TRPM6: variants seen among roughly 807,000 people sequenced by gnomAD.
TRPM6 encodes the protein channel kinase 2.
A neutral mutation model predicts 247.6 loss-of-function variants in TRPM6; 111 were observed. The ratio of observed to expected loss-of-function variants is 0.45; its 90% confidence interval spans 0.38 to 0.52. The LOEUF (loss-of-function observed/expected upper bound fraction) is 0.52. TRPM6 is among the 20% of genes least tolerant of loss of function. TRPM6 has a pLI of 0.00. For missense variants in TRPM6, 2,126 were observed against 2,421.5 expected (o/e 0.88, Z 2.56); for synonymous variants, 892 against 853.8 (o/e 1.04, Z -0.78).
chr9:74,806,465 T>C (rs1032858860), intron 14 of TRPM6, among the ~76,000 whole-genome samples: 2 of 152,122 alleles, frequency 1.3e-5, no homozygotes, highest in Non-Finnish European at 2.9e-5. Context: ...AAGTTTCTGT[T>C]TTGTTGATAA....
chr9:74,775,973 G>C lies in TRPM6; in HGVS notation c.3313C>G (p.Leu1105Val). ...AGGCCCACGTGGCTCAGCAGGATGAGAGGTGGGGGCAGCCAGGGCTTCTCG... is the reference window on the plus strand; with the variant it reads ...AGGCCCACGTGGCTCAGCAGGATGACAGGTGGGGGCAGCCAGGGCTTCTCG... ...YHEKPWLPPP[L>V]ILLSHVGLLL... is the part of the protein sequence containing the mutation. Residue 1105 changes from leucine to valine, a missense_variant, in exon 24 of 39, where the codon CTC (leucine) becomes GTC (valine). Physicochemically the swap from Leu to Val is conservative, Grantham distance 32. This residue lies in a region of TRPM6 where 717 missense variants were observed against 715.9 expected (regional missense o/e 1.00). Coordinates refer to ENST00000360774, the MANE Select transcript of TRPM6 (RefSeq NM_017662.5). 1 of 1,614,190 alleles carries C rather than the reference G, an allele frequency of 6.2e-7. No homozygotes were observed. The highest frequency in any genetic ancestry group is 1.1e-5 in the South Asian group (1 of 91,088).
intron 28 of TRPM6, among the ~76,000 whole-genome samples, chr9:74,754,115 A>G (rs1177214081): frequency 1.3e-5 from 2 of 151,706 alleles, no homozygotes; most frequent in Non-Finnish European, 2.9e-5. Flanking sequence ...AATAAAATCA[A>G]TCTATTTATA....
chr9:74,761,703 T>C lies in TRPM6; in HGVS notation c.4778A>G (p.Gln1593Arg). Residue 1593 changes from glutamine (Q) to arginine (R), a missense_variant, in exon 27 of 39, where the codon CAG becomes CGG. Physicochemically the swap from Gln to Arg is conservative, Grantham distance 43. Around this residue, in one of 3 missense-constraint regions of TRPM6, gnomAD observed 717 missense variants for 715.9 expected, o/e 1.00. Coordinates refer to ENST00000360774, the MANE Select transcript of TRPM6 (RefSeq NM_017662.5). Reference protein sequence around the residue: ...SKKKKNTQGLQVPIITVNACS... With the variant: ...SKKKKNTQGLRVPIITVNACS... The stretch of plus-strand genomic sequence containing the variant: ...GAATAACAGTACACTTACTGGCACC[T>C]GGAGTCCTTGAGTATTCTTCTTTTT... The C allele has an allele frequency of 5.0e-6, 8 of 1,601,874 alleles. No homozygotes were observed. Among genetic ancestry groups the C allele is most frequent in the Non-Finnish European group, 6.8e-6 (8 of 1,169,318 alleles).
chr9:74,809,999 A>AAC (rs1828671003), intron 13 of TRPM6, among the ~76,000 whole-genome samples: 1 of 151,296 alleles, frequency 6.6e-6, no homozygotes, highest in Non-Finnish European at 1.5e-5. Context: ...AAAAAAAAAA[A>AAC]AAACAAGGAT....
chr9:74,760,018 A>G (rs1027166091), intron 27 of TRPM6, among the ~76,000 whole-genome samples: 2 of 152,246 alleles, frequency 1.3e-5, no homozygotes, highest in African/African-American at 4.8e-5. Flanking sequence ...ATGACAGACC[A>G]CTAATACAAC....
intron 18 of TRPM6, among the ~76,000 whole-genome samples, chr9:74,793,464 A>T (rs1587512150): frequency 6.6e-6 from 1 of 151,832 alleles, no homozygotes. Context: ...AGATTCTCAT[A>T]CCTCAGCCTC....
intron 20 of TRPM6, among the ~76,000 whole-genome samples, chr9:74,787,997 A>G (rs1034894298): frequency 6.6e-6 from 1 of 151,332 alleles, no homozygotes; most frequent in East Asian, 1.9e-4. Context: ...TTACAAACAT[A>G]AGCCACCACG....
chr9:74,809,291 A>C (rs1366559326), intron 13 of TRPM6, among the ~76,000 whole-genome samples: 2 of 152,214 alleles, frequency 1.3e-5, no homozygotes, highest in Non-Finnish European at 1.5e-5. Flanking sequence ...TATTTTGACT[A>C]CTTAAATTGC....
chr9:74,746,345 G>C (rs1826047826), intron 31 of TRPM6, among the ~76,000 whole-genome samples: 1 of 152,206 alleles, frequency 6.6e-6, no homozygotes, highest in African/African-American at 2.4e-5. Flanking sequence ...TGAAAAAATG[G>C]AAGACAAGTA....
In TRPM6 at chr9:74,821,554, G is replaced by A. The variant is rs1261735608; in HGVS notation, c.1010+115C>T. 3 of 1,243,508 alleles carry A rather than the reference G, an allele frequency of 2.4e-6. 1 individual carries two copies. The South Asian group carries it at 3.7e-5, about 15-fold the overall frequency. The allele number at this position is 1,243,508 out of a possible 1,614,324, so 77.0% of individuals were successfully genotyped here. ...CACAGTCACTGAGAAATGAAATCCA[G>A]TCTCAACTTCTATAATCCAAGAATA... On this transcript the variant is annotated intron_variant, in intron 8 of 38. Transcript: ENST00000360774.
chr9:74,794,216 T>C (rs1828009879), intron 18 of TRPM6, among the ~76,000 whole-genome samples: 1 of 152,316 alleles, frequency 6.6e-6, no homozygotes, highest in African/African-American at 2.4e-5. Flanking sequence ...GAAAAGAATG[T>C]TCTCTGCTGC....
chr9:74,863,213 A>G (rs939247564), intron 1 of TRPM6, among the ~76,000 whole-genome samples: 3 of 151,316 alleles, frequency 2.0e-5, no homozygotes, highest in Non-Finnish European at 4.4e-5. Flanking sequence ...CATCGAGCTA[A>G]TTTTTGTATT....
At chr9:74,754,426 T>C (rs904433032) in intron 28 of TRPM6, among the ~76,000 whole-genome samples, 9 of 152,194 alleles carry the variant, frequency 5.9e-5, no homozygotes, top group Non-Finnish European at 1.3e-4. Flanking sequence ...CATTGTAAGA[T>C]GTTTAACAGC....
intron 1 of TRPM6, among the ~76,000 whole-genome samples, chr9:74,871,106 C>A (rs1361011611): frequency 6.6e-6 from 1 of 152,072 alleles, no homozygotes; most frequent in African/African-American, 2.4e-5. Context: ...ATAACTGTGA[C>A]AAAGCTGCAC....
Position 74,816,720 on chromosome 9 carries a change from G to A in TRPM6, c.1257C>T (p.Asp419=), listed in dbSNP as rs767238961. Residue 419 remains aspartate, a synonymous_variant, in exon 11 of 39, where the codon GAC becomes GAT. Transcript: ENST00000360774. ...SEQLNLAMAW[D]RVDIAKKHIL... is the part of the protein sequence containing the mutation. ...TATGTTTCTTGGCAATGTCCACCCT[G>A]TCCCAAGCCATTGCCAGATTTAATT... is the stretch of plus-strand genomic sequence containing the variant. 2 of 1,614,116 alleles carry A rather than the reference G, an allele frequency of 1.2e-6. No homozygotes were observed. Among genetic ancestry groups the A allele is most frequent in the Non-Finnish European group, 1.7e-6 (2 of 1,180,026 alleles).
In TRPM6 at chr9:74,771,688, A is replaced by T. The variant is rs1259179107; in HGVS notation, c.3536+15T>A. 1.2e-6 allele frequency: 2 copies of T among 1,612,686 alleles called. No homozygotes were observed. Among genetic ancestry groups the T allele is most frequent in the Non-Finnish European group, 1.7e-6 (2 of 1,179,440 alleles). On this transcript the variant is annotated intron_variant, in intron 25 of 38. Transcript: ENST00000360774. ...TGTTAGTGGTTTCAGAATGGAAAAG[A>T]TTTATATCTTTTACCTTTCTGATGT...
intron 20 of TRPM6, among the ~76,000 whole-genome samples, chr9:74,787,342 AAAAAAAAAG>A (rs958530190): frequency 4.0e-5 from 6 of 151,488 alleles, no homozygotes; most frequent in African/African-American, 1.5e-4. Context: ...CTCAAAAGAA[AAAAAAAAAG>A]AAAAAAAAAG....
At chr9:74,852,680 A>G (rs1375926212) in intron 3 of TRPM6, among the ~76,000 whole-genome samples, 3 of 152,048 alleles carry the variant, frequency 2.0e-5, no homozygotes, top group Middle Eastern at 3.2e-3. Flanking sequence ...TTTGGTGGAG[A>G]CGGGGTTTCG....
chr9:74,879,429 TCC>T (rs1420344255), intron 1 of TRPM6, among the ~76,000 whole-genome samples: 1 of 152,090 alleles, frequency 6.6e-6, no homozygotes, highest in African/African-American at 2.4e-5. Flanking sequence ...TGTTAATAAC[TCC>T]CATATCCTTT....
Sources: gnomAD v4.1 joint callset for allele counts (sites outside exome capture counted in the v4.1 genomes callset) on GRCh38, gnomAD v4.1.1 for gene constraint, gnomAD v4.1.1 regional missense constraint, MANE v1.5 for transcripts, NCBI Gene and HGNC (gene_info 2026-07-23, HGNC 2026-07-21) for gene names.